The following NCKAP5 variants were observed in gnomAD, a reference collection of about 807,000 sequenced individuals.
The protein encoded by NCKAP5 is nck-associated protein 5.
A neutral mutation model predicts 167.0 loss-of-function variants in NCKAP5; 92 were observed. The ratio of observed to expected loss-of-function variants is 0.55; its 90% CI spans 0.47 to 0.66. NCKAP5 has a LOEUF of 0.66. Among genes scored for constraint, NCKAP5 ranks in the 30% least tolerant of loss-of-function variants. NCKAP5 has a pLI of 0.00. For missense variants in NCKAP5, 2,378 were observed against 2,315.0 expected, an observed-to-expected ratio of 1.03 and a Z score of -0.56; for synonymous variants, 891 against 877.4, an observed-to-expected ratio of 1.02 and a Z score of -0.27.
At chr2:133,273,310 T>C (rs1328506134) in intron 4 of NCKAP5, among the ~76,000 whole-genome samples, 1 of 152,328 alleles carries the variant, frequency 6.6e-6, no homozygotes, top group East Asian at 1.9e-4. Flanking sequence ...TATCTTTTCA[T>C]GTGCTTATTG....
intron 11 of NCKAP5, among the ~76,000 whole-genome samples, chr2:132,858,782 A>G (rs1214553034): frequency 6.6e-6 from 1 of 152,230 alleles, no homozygotes; most frequent in East Asian, 1.9e-4. Context: ...CATACACATC[A>G]TCCCCTGATC....
At chr2:133,271,363 A>C (rs568395806) in intron 4 of NCKAP5, among the ~76,000 whole-genome samples, 1 of 152,276 alleles carries the variant, frequency 6.6e-6, no homozygotes, top group South Asian at 2.1e-4. Context: ...ACTTTTTGTT[A>C]ACTGCGAAGG....
chr2:133,266,938 C>T (rs2089265047), intron 4 of NCKAP5, among the ~76,000 whole-genome samples: 1 of 152,120 alleles, frequency 6.6e-6, no homozygotes, highest in Non-Finnish European at 1.5e-5. Context: ...CACCCCCTAC[C>T]CACTCCCCCT....
chr2:133,422,149 T>C (rs1316756429), intron 3 of NCKAP5, among the ~76,000 whole-genome samples: 1 of 152,192 alleles, frequency 6.6e-6, no homozygotes, highest in Non-Finnish European at 1.5e-5. Flanking sequence ...AGCCAGAGAA[T>C]TCCCAAAGAT....
At chr2:133,189,110 C>T (rs963212795) in intron 5 of NCKAP5, among the ~76,000 whole-genome samples, 5 of 152,042 alleles carry the variant, frequency 3.3e-5, no homozygotes, top group African/African-American at 1.2e-4. Context: ...GATATCATCA[C>T]CGATCCCACA....
chr2:133,604,330 C>T, the NCKAP5 span, among the ~76,000 whole-genome samples: 6 of 152,098 alleles, frequency 3.9e-5, no homozygotes, highest in African/African-American at 1.2e-4. Flanking sequence ...CTCAGCCCCT[C>T]GAGTAGCTGG....
chr2:132,933,138 G>A (rs943506627), intron 8 of NCKAP5, among the ~76,000 whole-genome samples: 1 of 151,974 alleles, frequency 6.6e-6, no homozygotes, highest in African/African-American at 2.4e-5. Flanking sequence ...TGTTAGCCAG[G>A]ATGGTCTCGA....
intron 19 of NCKAP5, among the ~76,000 whole-genome samples, chr2:132,682,503 G>T (rs1305741786): frequency 6.6e-6 from 1 of 152,162 alleles, no homozygotes; most frequent in Non-Finnish European, 1.5e-5. Flanking sequence ...AAAGTCACAT[G>T]GAATACATGT....
chr2:133,341,009 A>T (rs1683541275), intron 3 of NCKAP5, among the ~76,000 whole-genome samples: 1 of 152,186 alleles, frequency 6.6e-6, no homozygotes, highest in South Asian at 2.1e-4. Context: ...CTGTTCATAC[A>T]TCTTTTCAAT....
At chr2:133,145,802 C>T (rs1460072851) in intron 5 of NCKAP5, among the ~76,000 whole-genome samples, 1 of 152,022 alleles carries the variant, frequency 6.6e-6, no homozygotes, top group Non-Finnish European at 1.5e-5. Context: ...CAGGCATTGA[C>T]AAACAACTCT....
chr2:132,785,332 G>C lies in NCKAP5; in HGVS notation c.1479C>G (p.Asn493Lys). ...TACTGCCATGTGGCCTGCAGCTCTG[G>C]TTTGGAACTGCTTGGAGCAATGCTA... ...STLALLQAVP[N>K]QSCRPHGSKL... The change falls in exon 14 of 20, where the codon AAC becomes AAG. Residue 493 changes from asparagine (N) to lysine (K), a missense_variant. Coordinates refer to ENST00000409261, the MANE Select transcript of NCKAP5 (RefSeq NM_207363.3). The C allele has an allele frequency of 6.2e-7, 1 of 1,613,528 alleles. No individual in the cohort carries two copies. The highest frequency in any genetic ancestry group is 8.5e-7 in the Non-Finnish European group (1 of 1,179,652).
intron 19 of NCKAP5, among the ~76,000 whole-genome samples, chr2:132,708,819 A>C (rs1045978404): frequency 6.6e-6 from 1 of 152,084 alleles, no homozygotes; most frequent in Admixed American, 6.6e-5. Context: ...ACATGGTGCT[A>C]ATATTTGTTG....
chr2:133,176,048 T>C (rs1178288264), intron 5 of NCKAP5, among the ~76,000 whole-genome samples: 2 of 152,016 alleles, frequency 1.3e-5, no homozygotes, highest in Admixed American at 6.6e-5. Flanking sequence ...CAATCTGGGG[T>C]AGGAGGACTA....
chr2:133,132,072 G>C (rs1029056044), intron 5 of NCKAP5, among the ~76,000 whole-genome samples: 2 of 151,954 alleles, frequency 1.3e-5, no homozygotes, highest in African/African-American at 4.8e-5. Flanking sequence ...GGTGGATCAC[G>C]AGGTCAGGAG....
chr2:133,355,243 C>T (rs565387973), intron 3 of NCKAP5, among the ~76,000 whole-genome samples: 2 of 152,272 alleles, frequency 1.3e-5, no homozygotes, highest in African/African-American at 2.4e-5. Flanking sequence ...TATGGCCTGA[C>T]TGGGATAATT....
intron 11 of NCKAP5, among the ~76,000 whole-genome samples, chr2:132,804,372 T>C (rs1032912756): frequency 6.6e-6 from 1 of 152,210 alleles, no homozygotes; most frequent in Non-Finnish European, 1.5e-5. Context: ...ACTAATTACT[T>C]TAACAGGTAC....
intron 6 of NCKAP5, among the ~76,000 whole-genome samples, chr2:133,045,177 G>T (rs1449850852): frequency 6.6e-6 from 1 of 152,046 alleles, no homozygotes; most frequent in Non-Finnish European, 1.5e-5. Flanking sequence ...AACAACTGAA[G>T]ATTATTCACA....
At chr2:133,131,903 A>C (rs530256854) in intron 5 of NCKAP5, among the ~76,000 whole-genome samples, 1 of 152,316 alleles carries the variant, frequency 6.6e-6, no homozygotes, top group East Asian at 1.9e-4. Context: ...AGACTAAAAG[A>C]AACATGGACA....
chr2:133,276,449 C>T (rs1267530341), intron 4 of NCKAP5, among the ~76,000 whole-genome samples: 1 of 151,822 alleles, frequency 6.6e-6, no homozygotes, highest in Admixed American at 6.6e-5. Flanking sequence ...ACTTTATAGA[C>T]GTCATATACA....
Sources: gnomAD v4.1 joint callset for allele counts (sites outside exome capture counted in the v4.1 genomes callset) on GRCh38, gnomAD v4.1.1 for gene constraint, MANE v1.5 for transcripts, NCBI Gene and HGNC (gene_info 2026-07-23, HGNC 2026-07-21) for gene names.